The following XYLB variants were observed in gnomAD, a reference collection of about 807,000 sequenced individuals.
XYLB encodes the protein xylulose kinase.
Under a neutral mutation model 78.7 loss-of-function variants are expected in XYLB, and 62 were observed. The observed-to-expected ratio is 0.79, with a 90% confidence interval of 0.64 to 0.97. XYLB has a LOEUF of 0.97. XYLB is among the 50% of genes least tolerant of loss of function. The pLI, the probability that XYLB is intolerant of heterozygous loss-of-function variation, is 0.00. For synonymous variants in XYLB, 245 were observed against 247.4 expected (o/e 0.99, Z 0.09); for missense variants, 687 against 676.8 (o/e 1.02, Z -0.17).
chr3:38,433,683 A>G, the XYLB span, among the ~76,000 whole-genome samples: 5 of 152,202 alleles, frequency 3.3e-5, no homozygotes, highest in African/African-American at 4.8e-5. Flanking sequence ...CTTCATCTCC[A>G]TCTGAAACAA....
chr3:38,400,392 C>A (rs552205905), intron 17 of XYLB, among the ~76,000 whole-genome samples: 1 of 152,274 alleles, frequency 6.6e-6, no homozygotes, highest in African/African-American at 2.4e-5. Flanking sequence ...GCCTCCTGAG[C>A]AAGTGATGGT....
intron 1 of XYLB, 88 bp from the exon 2 acceptor site, chr3:38,348,461 TG>T: frequency 1.6e-6 from 2 of 1,248,302 alleles, no homozygotes; most frequent in Non-Finnish European, 1.2e-6. Flanking sequence ...TCCTAGGGTG[TG>T]GGGCCTCATC....
At chr3:38,408,127 C>G (rs1349479187) in intron 18 of XYLB, among the ~76,000 whole-genome samples, 8 of 151,568 alleles carry the variant, frequency 5.3e-5, no homozygotes, top group South Asian at 4.2e-4. Context: ...TGACCACATA[C>G]TTGGAAGTAA....
chr3:38,450,484 G>A, the XYLB span, among the ~76,000 whole-genome samples: 7 of 152,192 alleles, frequency 4.6e-5, no homozygotes, highest in African/African-American at 1.7e-4. Context: ...CCAGGGAATA[G>A]TGGTCCTAAC....
the XYLB span, among the ~76,000 whole-genome samples, chr3:38,440,446 C>A: frequency 6.6e-6 from 1 of 152,208 alleles, no homozygotes; most frequent in Non-Finnish European, 1.5e-5. Context: ...ACAAGAGTTT[C>A]CTTATCACTT....
chr3:38,374,521 C>G lies in XYLB; in HGVS notation c.888+19C>G, dbSNP rs768552346. On this transcript the variant is annotated intron_variant, in intron 11 of 18. Coordinates refer to ENST00000207870, the MANE Select transcript of XYLB (RefSeq NM_005108.4). ...CATTGCGGTAAGGCGACTTCCCACA[C>G]CCATAGGCTCTTTCTGTTTCCACAC... 11 of 1,613,438 alleles carry G rather than the reference C, an allele frequency of 6.8e-6. No individual in the cohort carries two copies. The highest frequency in any genetic ancestry group is 1.3e-5 in the African/African-American group (1 of 74,876).
chr3:38,403,197 G>A (rs944689003), intron 18 of XYLB, among the ~76,000 whole-genome samples: 4 of 151,768 alleles, frequency 2.6e-5, no homozygotes, highest in African/African-American at 9.7e-5. Flanking sequence ...GGGAGGCTGA[G>A]GTGGGAGGAT....
chr3:38,388,283 A>T (rs1299806581), intron 15 of XYLB, among the ~76,000 whole-genome samples: 1 of 150,868 alleles, frequency 6.6e-6, no homozygotes, highest in Admixed American at 6.6e-5. Flanking sequence ...AATTTTGGTT[A>T]GGGTACAGGA....
the XYLB span, among the ~76,000 whole-genome samples, chr3:38,429,598 A>G: frequency 2.0e-5 from 3 of 152,072 alleles, no homozygotes; most frequent in African/African-American, 7.3e-5. Context: ...TCTAGGGTAA[A>G]TGTGCACAAC....
intron 8 of XYLB, among the ~76,000 whole-genome samples, chr3:38,369,073 A>G (rs1161344460): frequency 6.6e-6 from 1 of 152,184 alleles, no homozygotes; most frequent in African/African-American, 2.4e-5. Context: ...TAGAGAATGC[A>G]GGGCAGGAGC....
At chr3:38,378,927 A>T (rs916561113) in intron 14 of XYLB, among the ~76,000 whole-genome samples, 1 of 151,562 alleles carries the variant, frequency 6.6e-6, no homozygotes, top group African/African-American at 2.4e-5. Flanking sequence ...AAAAAGAATG[A>T]TAGCAAGACT....
chr3:38,447,427 C>T, the XYLB span, among the ~76,000 whole-genome samples: 1 of 151,668 alleles, frequency 6.6e-6, no homozygotes, highest in African/African-American at 2.4e-5. Context: ...CTTCAGCCTC[C>T]TGAAGAGCCG....
the XYLB span, among the ~76,000 whole-genome samples, chr3:38,441,101 G>A: frequency 6.6e-6 from 1 of 152,120 alleles, no homozygotes; most frequent in Non-Finnish European, 1.5e-5. Context: ...CTTTGGCAGT[G>A]TAAGACTGCC....
chr3:38,377,501 G>A (rs1179100029), intron 14 of XYLB, among the ~76,000 whole-genome samples: 1 of 149,244 alleles, frequency 6.7e-6, no homozygotes, highest in African/African-American at 2.5e-5. Context: ...AGGCTTGAGT[G>A]CAGCGGGACG....
At chr3:38,417,135 A>G (rs187293419), downstream of XYLB, among the ~76,000 whole-genome samples, 1 of 152,198 alleles carries the variant, frequency 6.6e-6, no homozygotes, top group African/African-American at 2.4e-5. Flanking sequence ...CTACCTTGAT[A>G]ATAGAGAATA....
intron 12 of XYLB, among the ~76,000 whole-genome samples, chr3:38,375,867 G>A (rs1024645581): frequency 6.6e-6 from 1 of 152,138 alleles, no homozygotes; most frequent in African/African-American, 2.4e-5. Context: ...TCTACCTGGG[G>A]CTCCTCTGTG....
chr3:38,370,326 T>G (rs1706491832), intron 9 of XYLB, 152 bp downstream of exon 9: 1 of 623,690 alleles, frequency 1.6e-6, no homozygotes, highest in African/African-American at 1.8e-5. Context: ...GGGTCTTCAG[T>G]TTAGCCTAAG....
downstream of XYLB, among the ~76,000 whole-genome samples, chr3:38,424,619 C>T (rs191763387): frequency 5.5e-4 from 84 of 152,294 alleles, no homozygotes; most frequent in African/African-American, 1.7e-3. Flanking sequence ...GTTTTCCAGA[C>T]GCCCTATACT....
At chr3:38,378,374 C>A (rs1056078693) in intron 14 of XYLB, among the ~76,000 whole-genome samples, 2 of 152,240 alleles carry the variant, frequency 1.3e-5, no homozygotes, top group Non-Finnish European at 2.9e-5. Flanking sequence ...CCTTGCTCCC[C>A]AGAGCCTGCT....
Sources: gnomAD v4.1 joint callset for allele counts (sites outside exome capture counted in the v4.1 genomes callset) on GRCh38, gnomAD v4.1.1 for gene constraint, MANE v1.5 for transcripts, NCBI Gene and HGNC (gene_info 2026-07-23, HGNC 2026-07-21) for gene names.